IPPK: variants seen among roughly 807,000 people sequenced by gnomAD.
The protein encoded by IPPK is inositol-pentakisphosphate 2-kinase.
IPPK carries 22 observed loss-of-function variants against 64.6 expected under a neutral mutation model. The observed-to-expected ratio is 0.34, with a 90% CI of 0.24 to 0.49. The LOEUF (loss-of-function observed/expected upper bound fraction) is 0.49, where lower values mean the gene tolerates loss of function less well. Ranked by LOEUF, IPPK falls within the 20% of genes least tolerant of loss-of-function variation. IPPK has a pLI of 0.99. For missense variants in IPPK, 532 were observed against 630.7 expected (o/e 0.84, Z 1.68); for synonymous variants, 262 against 247.2 (o/e 1.06, Z -0.56).
intron 3 of IPPK, 97 bp downstream of exon 3, chr9:92,656,359 G>C: frequency 1.2e-6 from 1 of 800,792 alleles, no homozygotes. Flanking sequence ...CTGGACGCGG[G>C]TTATCATTAA....
intron 1 of IPPK, among the ~76,000 whole-genome samples, chr9:92,661,107 A>G (rs1394960794): frequency 1.3e-5 from 2 of 152,226 alleles, no homozygotes; most frequent in East Asian, 3.9e-4. Flanking sequence ...CCCACGCTAC[A>G]CTCCTAAACT....
At chr9:92,664,753 G>A (rs568017312) in intron 1 of IPPK, among the ~76,000 whole-genome samples, 11 of 152,222 alleles carry the variant, frequency 7.2e-5, no homozygotes, top group Non-Finnish European at 1.3e-4. Flanking sequence ...GGAGTGGCCG[G>A]GCCCTAGGCA....
At chr9:92,666,175 G>C (rs140139484) in intron 1 of IPPK, among the ~76,000 whole-genome samples, 1 of 152,258 alleles carries the variant, frequency 6.6e-6, no homozygotes, top group African/African-American at 2.4e-5. Context: ...TTAGTGTCAT[G>C]ACAGGAGTGG....
Position 92,638,045 on chromosome 9 carries a change from C to T in IPPK, c.872G>A (p.Arg291Gln), listed in dbSNP as rs757724105. Residue 291 changes from arginine to glutamine, a missense_variant, in exon 9 of 13, where the codon CGA (arginine) becomes CAA (glutamine). Physicochemically the swap from Arg to Gln is conservative, Grantham distance 43. Transcript: ENST00000287996. ...LSPGLGPQGP[R>Q]VCEASPFSRS... ...ACTGAAAGGGCTGGCTTCGCAGACTCGCGGGCCCTGAGGCCCGAGCCCCGG... is the reference window on the plus strand; with the variant it reads ...ACTGAAAGGGCTGGCTTCGCAGACTTGCGGGCCCTGAGGCCCGAGCCCCGG... 5.0e-6 allele frequency: 8 copies of T among 1,600,154 alleles called. No individual in the cohort carries two copies. Among genetic ancestry groups the T allele is most frequent in the African/African-American group, 4.0e-5 (3 of 74,626 alleles).
intron 6 of IPPK, among the ~76,000 whole-genome samples, chr9:92,643,816 C>T (rs754470989): frequency 1.8e-4 from 28 of 152,132 alleles, no homozygotes; most frequent in Non-Finnish European, 3.1e-4. Flanking sequence ...TCATTTCCAC[C>T]TGAATTACAT....
At position 92,622,832 on chromosome 9, in the gene IPPK, T is replaced by C. The variant is rs145001376; in HGVS notation, c.1171-3267A>G. Among the ~76,000 whole-genome samples the C allele has an allele frequency of 8.0e-3, 1,224 of 152,274 alleles. 23 individuals carry two copies. Among genetic ancestry groups the C allele is most frequent in the African/African-American group, 0.028 (1,157 of 41,556 alleles). ...CAAAAGGTCGAGAACAGCCAAGATA[T>C]GCTTGAAGAAGACAGAAGGATTTGT... On this transcript the variant is annotated intron_variant, in intron 11 of 12. Transcript: ENST00000287996.
intron 3 of IPPK, 37 bp downstream of exon 3, chr9:92,656,419 A>G (rs756620969): frequency 3.6e-6 from 5 of 1,383,056 alleles, no homozygotes; most frequent in Non-Finnish European, 5.2e-6. Flanking sequence ...GATGCAAAAC[A>G]TGCCCAAGAA....
chr9:92,659,635 GCC>G (rs1852441350), intron 1 of IPPK, among the ~76,000 whole-genome samples: 1 of 152,152 alleles, frequency 6.6e-6, no homozygotes, highest in East Asian at 1.9e-4. Flanking sequence ...AAGCGCCCCT[GCC>G]GAGGCCACAG....
At chr9:92,623,496 C>A (rs1430842440) in intron 11 of IPPK, among the ~76,000 whole-genome samples, 1 of 151,288 alleles carries the variant, frequency 6.6e-6, no homozygotes, top group Non-Finnish European at 1.5e-5. Flanking sequence ...AAGATACCTA[C>A]TGGACACAAA....
At chr9:92,661,243 G>A (rs1852477487) in intron 1 of IPPK, among the ~76,000 whole-genome samples, 1 of 152,194 alleles carries the variant, frequency 6.6e-6, no homozygotes, top group Admixed American at 6.5e-5. Flanking sequence ...CTCGCCTGCT[G>A]GCCCAGCCTC....
chr9:92,656,635 G>A (rs564169947), intron 2 of IPPK, 84 bp from the exon 3 acceptor site: 153 of 849,432 alleles, frequency 1.8e-4, no homozygotes, highest in Non-Finnish European at 2.9e-4. Context: ...AAACCACCAC[G>A]GACCCCACCA....
At position 92,630,303 on chromosome 9, in the gene IPPK, C is replaced by T. The variant is rs137885279; in HGVS notation, c.1170+4083G>A. 2.2e-3 allele frequency among the ~76,000 whole-genome samples: 328 copies of T among 152,270 alleles called. 4 individuals are homozygous for T. Among genetic ancestry groups the T allele is most frequent in the South Asian group, 0.019 (94 of 4,822 alleles). On this transcript the variant is annotated intron_variant, in intron 11 of 12. Transcript: ENST00000287996. ...ACAAACGACCACACATTCAATGACT[C>T]TGTTTATATGCAATATTTGGAAGAG...
chr9:92,645,270 G>A (rs1852128953), intron 6 of IPPK, among the ~76,000 whole-genome samples: 1 of 152,008 alleles, frequency 6.6e-6, no homozygotes, highest in African/African-American at 2.4e-5. Flanking sequence ...TGCGCCTGTA[G>A]TCCCAGCTAC....
intron 11 of IPPK, among the ~76,000 whole-genome samples, chr9:92,631,590 A>G (rs1168775824): frequency 6.6e-6 from 1 of 152,212 alleles, no homozygotes; most frequent in East Asian, 1.9e-4. Context: ...CTTCAGGTTC[A>G]ATTACCAGAA....
chr9:92,654,728 C>G (rs1443804094), intron 3 of IPPK, among the ~76,000 whole-genome samples: 1 of 152,164 alleles, frequency 6.6e-6, no homozygotes, highest in African/African-American at 2.4e-5. Flanking sequence ...AACCTGGGAG[C>G]TGAGATGTGG....
At chr9:92,657,285 G>A in intron 2 of IPPK, among the ~76,000 whole-genome samples, 1 of 151,974 alleles carries the variant, frequency 6.6e-6, no homozygotes, top group East Asian at 1.9e-4. Flanking sequence ...GGAGGCAGAG[G>A]TTGCAGTGAG....
intron 11 of IPPK, among the ~76,000 whole-genome samples, chr9:92,623,039 C>G (rs540300983): frequency 1.3e-5 from 2 of 152,234 alleles, no homozygotes; most frequent in South Asian, 4.1e-4. Context: ...AGGAAAATAT[C>G]TTCAGGACCT....
chr9:92,655,407 C>T (rs975851128), intron 3 of IPPK, among the ~76,000 whole-genome samples: 8 of 152,138 alleles, frequency 5.3e-5, no homozygotes, highest in African/African-American at 1.9e-4. Flanking sequence ...TATCTTAAGG[C>T]AGAGGAAATG....
In IPPK at chr9:92,635,645, C is replaced by CACA. The variant is rs1851928240; in HGVS notation, c.917-338_917-337insTGT. On this transcript the variant is annotated intron_variant, in intron 9 of 12. Transcript: ENST00000287996. The surrounding 1 kb of genome is among the most constrained non-coding windows in gnomAD (Gnocchi z 4.4). Reference sequence around the variant, plus strand: ...ATTCCACCACAACAGCCCTGGAAGTCACTTTATGATCTAAGTTTAGACATA... The same window carrying CACA: ...ATTCCACCACAACAGCCCTGGAAGTCACAACTTTATGATCTAAGTTTAGACATA... Among the ~76,000 whole-genome samples the CACA allele has an allele frequency of 6.6e-6, 1 of 152,172 alleles. No homozygotes were observed. The highest frequency in any genetic ancestry group is 2.4e-5 in the African/African-American group (1 of 41,458).
Sources: allele counts gnomAD v4.1 joint callset (sites outside exome capture counted in the v4.1 genomes callset), GRCh38; gene constraint gnomAD v4.1.1; non-coding constraint Gnocchi (gnomAD v3.1); transcripts MANE v1.5; gene names NCBI Gene and HGNC (gene_info 2026-07-23, HGNC 2026-07-21).